The following FAM227B variants were observed in gnomAD, a reference collection of about 807,000 sequenced individuals.
FAM227B encodes the protein protein FAM227B.
Under a neutral mutation model 73.8 loss-of-function variants are expected in FAM227B, and 88 were observed. That is an observed-to-expected ratio of 1.19 (90% CI 1.00 to 1.42). The LOEUF (loss-of-function observed/expected upper bound fraction) is 1.42. Ranked by LOEUF, FAM227B falls within the 40% of genes most tolerant of loss-of-function variation. The pLI, the probability that FAM227B is intolerant of heterozygous loss-of-function variation, is 0.00. For synonymous variants in FAM227B, 210 were observed against 190.5 expected, an observed-to-expected ratio of 1.10 and a Z score of -0.84; for missense variants, 632 against 590.9, an observed-to-expected ratio of 1.07 and a Z score of -0.72.
intron 11 of FAM227B, among the ~76,000 whole-genome samples, chr15:49,481,244 C>T (rs1449775101): frequency 6.6e-6 from 1 of 152,136 alleles, no homozygotes; most frequent in East Asian, 1.9e-4. Flanking sequence ...AAAGTAATGG[C>T]AAAAGCCACA....
intron 11 of FAM227B, among the ~76,000 whole-genome samples, chr15:49,437,106 G>A (rs1036512185): frequency 4.0e-5 from 6 of 151,372 alleles, no homozygotes; most frequent in African/African-American, 9.7e-5. Flanking sequence ...TTATACTTCT[G>A]TTCTTTAGGG....
intron 11 of FAM227B, among the ~76,000 whole-genome samples, chr15:49,495,064 T>C (rs1447728477): frequency 6.6e-6 from 1 of 152,200 alleles, no homozygotes; most frequent in African/African-American, 2.4e-5. Flanking sequence ...TAACACAGCA[T>C]TTTAATGTCA....
chr15:49,353,549 A>C (rs987668945), intron 13 of FAM227B: 1 of 152,164 alleles, frequency 6.6e-6, no homozygotes, highest in Non-Finnish European at 1.5e-5. Flanking sequence ...ATTATCTGAA[A>C]AATCTCATTA....
chr15:49,591,223 C>T (rs532502046), intron 3 of FAM227B, among the ~76,000 whole-genome samples: 2 of 150,540 alleles, frequency 1.3e-5, no homozygotes, highest in East Asian at 2.0e-4. Context: ...TACAGGCGCC[C>T]GCCACCATGC....
At chr15:49,422,934 CTA>C (rs1374846093) in intron 11 of FAM227B, among the ~76,000 whole-genome samples, 7 of 152,034 alleles carry the variant, frequency 4.6e-5, no homozygotes, top group African/African-American at 1.4e-4. Context: ...TTAAAAAACC[CTA>C]TATATATGTT....
At chr15:49,603,528 T>C (rs1426969073) in intron 3 of FAM227B, among the ~76,000 whole-genome samples, 2 of 152,194 alleles carry the variant, frequency 1.3e-5, no homozygotes, top group African/African-American at 4.8e-5. Flanking sequence ...AGAGGGTTTT[T>C]TGATGAAGTC....
At chr15:49,423,495 A>T (rs1163864264) in intron 11 of FAM227B, 1 of 152,148 alleles carries the variant, frequency 6.6e-6, no homozygotes, top group African/African-American at 2.4e-5. Flanking sequence ...CTAAAAGTTT[A>T]TCTCTTTTTC....
chr15:49,442,339 C>G (rs1486263342), intron 11 of FAM227B, among the ~76,000 whole-genome samples: 1 of 151,678 alleles, frequency 6.6e-6, no homozygotes, highest in Non-Finnish European at 1.5e-5. Context: ...TAAGTCTCAA[C>G]TCTCCACGAA....
chr15:49,561,664 G>T (rs1164265083), intron 9 of FAM227B, among the ~76,000 whole-genome samples: 2 of 152,072 alleles, frequency 1.3e-5, no homozygotes, highest in East Asian at 3.9e-4. Flanking sequence ...CTACCACAGT[G>T]GAATAACAAC....
intron 3 of FAM227B, among the ~76,000 whole-genome samples, chr15:49,601,768 C>T (rs960440306): frequency 3.3e-5 from 5 of 152,198 alleles, no homozygotes. Context: ...TACCTATTAA[C>T]CATCCCCATC....
At chr15:49,380,759 G>A (rs1284281753) in intron 11 of FAM227B, among the ~76,000 whole-genome samples, 1 of 150,718 alleles carries the variant, frequency 6.6e-6, no homozygotes, top group Non-Finnish European at 1.5e-5. Flanking sequence ...CTAAACACTT[G>A]AGCTACTTAA....
chr15:49,328,730 T>C, intron 15 of FAM227B, 55 bp from the exon 16 acceptor site: 3 of 1,517,308 alleles, frequency 2.0e-6, no homozygotes, highest in Non-Finnish European at 1.8e-6. Context: ...CATTGTATAA[T>C]TGAATTTGAA....
intron 11 of FAM227B, chr15:49,424,207 G>A (rs916179005): frequency 6.9e-6 from 8 of 1,152,426 alleles, no homozygotes; most frequent in African/African-American, 1.5e-5. Flanking sequence ...ACAATTCACA[G>A]ATAGGAAGAG....
At chr15:49,468,609 A>G (rs2054472710) in intron 11 of FAM227B, among the ~76,000 whole-genome samples, 2 of 152,164 alleles carry the variant, frequency 1.3e-5, no homozygotes, top group Non-Finnish European at 2.9e-5. Flanking sequence ...AAAAACCTGG[A>G]AGCAGGTTCT....
At chr15:49,585,823 C>T (rs1006470583) in intron 5 of FAM227B, among the ~76,000 whole-genome samples, 1 of 151,716 alleles carries the variant, frequency 6.6e-6, no homozygotes, top group African/African-American at 2.4e-5. Flanking sequence ...GCACATGTAC[C>T]CTAAAACTTA....
At position 49,328,265 on chromosome 15, in the gene FAM227B, C is replaced by T. The variant is rs1480171945; in HGVS notation, c.*303G>A. The T allele has an allele frequency of 2.7e-5, 39 of 1,458,988 alleles. No homozygotes were observed. The highest frequency in any genetic ancestry group is 1.0e-4 in the East Asian group (4 of 40,118). 90.4% of individuals were successfully genotyped at this position (1,458,988 alleles called of 1,614,324 possible). On this transcript the variant is annotated 3_prime_UTR_variant, in exon 16 of 16. Transcript: ENST00000299338. ...TCCTTCTGTTTTGTATTATGATGAA[C>T]GGTTGCTATTATATCAAGATATATT...
intron 11 of FAM227B, chr15:49,422,313 G>A (rs573486469): frequency 1.1e-5 from 2 of 184,650 alleles, no homozygotes; most frequent in Non-Finnish European, 2.3e-5. Flanking sequence ...ACTACTTCAT[G>A]TATAACAGAA....
chr15:49,398,028 C>T (rs968280952), intron 11 of FAM227B, among the ~76,000 whole-genome samples: 1 of 152,150 alleles, frequency 6.6e-6, no homozygotes, highest in Non-Finnish European at 1.5e-5. Context: ...GGACTAAATG[C>T]TCCAATTAAA....
chr15:49,474,238 T>C (rs2055043284), intron 11 of FAM227B, among the ~76,000 whole-genome samples: 1 of 152,132 alleles, frequency 6.6e-6, no homozygotes, highest in East Asian at 1.9e-4. Context: ...TTTTAGTAAA[T>C]AATGTAGCTG....
Sources: gnomAD v4.1 joint callset for allele counts (sites outside exome capture counted in the v4.1 genomes callset) on GRCh38, gnomAD v4.1.1 for gene constraint, MANE v1.5 for transcripts, NCBI Gene and HGNC (gene_info 2026-07-23, HGNC 2026-07-21) for gene names.